HSD17B12: variants seen among roughly 807,000 people sequenced by gnomAD.
The protein encoded by HSD17B12 is very-long-chain 3-oxoacyl-CoA reductase.
In HSD17B12, 32 loss-of-function variants were observed where a neutral mutation model predicts 39.3. That is an observed-to-expected ratio of 0.81 (90% CI 0.61 to 1.09). The LOEUF (loss-of-function observed/expected upper bound fraction) is 1.09, where lower values mean the gene tolerates loss of function less well. HSD17B12 is among the 50% of genes least tolerant of loss of function. HSD17B12 has a pLI of 0.00. For missense variants in HSD17B12, 342 were observed against 382.9 expected (o/e 0.89, Z 0.89); for synonymous variants, 150 against 146.7 (o/e 1.02, Z -0.16).
At chr11:43,741,822 C>G (rs941862599) in intron 1 of HSD17B12, among the ~76,000 whole-genome samples, 5 of 150,102 alleles carry the variant, frequency 3.3e-5, no homozygotes, top group Non-Finnish European at 7.4e-5. Context: ...CAACCTCCCC[C>G]TCTTGGGTTC....
chr11:43,632,110 A>G, the HSD17B12 span, among the ~76,000 whole-genome samples: 2 of 152,200 alleles, frequency 1.3e-5, no homozygotes, highest in Non-Finnish European at 2.9e-5. Context: ...GTTATTCTCT[A>G]TCACGACCCT....
In HSD17B12 at chr11:43,744,619, C is replaced by T. The variant is rs1312157000; in HGVS notation, c.161-6292C>T. 3.9e-5 allele frequency among the ~76,000 whole-genome samples: 6 copies of T among 151,958 alleles called. No homozygotes were observed. The East Asian group carries it at 1.2e-3, about 29-fold the overall frequency. On this transcript the variant is annotated intron_variant, in intron 1 of 10. Transcript: ENST00000278353. ...ACATGATGACTAAATGTGGTATATC[C>T]TGGATATCCTGGATGGGATCCTAGA... is the stretch of plus-strand genomic sequence containing the variant.
chr11:43,592,184 A>G, the HSD17B12 span, among the ~76,000 whole-genome samples: 2 of 152,106 alleles, frequency 1.3e-5, no homozygotes, highest in African/African-American at 4.8e-5. Flanking sequence ...AATATAACAC[A>G]TCAAAACAGG....
At chr11:43,793,982 C>A (rs1189558307) in intron 3 of HSD17B12, among the ~76,000 whole-genome samples, 6 of 152,216 alleles carry the variant, frequency 3.9e-5, no homozygotes, top group Admixed American at 3.9e-4. Context: ...TCATTCTCCA[C>A]TTTTTATGCC....
At position 43,805,104 on chromosome 11, in the gene HSD17B12, G is replaced by A. The variant is rs115724772; in HGVS notation, c.391+6677G>A. 2.7e-3 allele frequency among the ~76,000 whole-genome samples: 416 copies of A among 152,336 alleles called. 3 individuals are homozygous for A. The highest frequency in any genetic ancestry group is 9.6e-3 in the African/African-American group (399 of 41,588). On this transcript the variant is annotated intron_variant, in intron 4 of 10. Coordinates refer to ENST00000278353, the MANE Select transcript of HSD17B12 (RefSeq NM_016142.3). ...AAAATGGAGCATACTAGGAGTTTAT[G>A]CAGCTTCCTGGTCCCTGTTGATTAA...
At chr11:43,817,156 C>T (rs1402659942) in intron 6 of HSD17B12, among the ~76,000 whole-genome samples, 1 of 151,618 alleles carries the variant, frequency 6.6e-6, no homozygotes, top group Non-Finnish European at 1.5e-5. Context: ...TGAGAATTGT[C>T]TATTCATGTC....
chr11:43,646,666 A>G, the HSD17B12 span, among the ~76,000 whole-genome samples: 11 of 152,228 alleles, frequency 7.2e-5, no homozygotes, highest in African/African-American at 2.7e-4. Context: ...TTAAGTTTAG[A>G]GGTAAACTCA....
intron 3 of HSD17B12, among the ~76,000 whole-genome samples, chr11:43,771,860 A>G (rs976515746): frequency 6.6e-6 from 1 of 152,184 alleles, no homozygotes; most frequent in Non-Finnish European, 1.5e-5. Context: ...TCTCAAGATC[A>G]TATTACAAAT....
At chr11:43,836,692 A>G (rs1451889489) in intron 7 of HSD17B12, among the ~76,000 whole-genome samples, 1 of 152,124 alleles carries the variant, frequency 6.6e-6, no homozygotes, top group Non-Finnish European at 1.5e-5. Context: ...TAAATTAAAA[A>G]TCTCCTGTAA....
the HSD17B12 span, among the ~76,000 whole-genome samples, chr11:43,583,464 G>A: frequency 2.6e-5 from 4 of 152,210 alleles, no homozygotes; most frequent in Admixed American, 2.0e-4. Context: ...TTTTGATCGG[G>A]GCTGGGAGCT....
rs1950097261 is a variant in HSD17B12, at chr11:43,714,082, A to G, written c.160+33095A>G. Among the ~76,000 whole-genome samples, 3 of 151,976 alleles carry G rather than the reference A, an allele frequency of 2.0e-5. No homozygotes were observed. The South Asian group carries it at 6.2e-4, about 32-fold the overall frequency. On this transcript the variant is annotated intron_variant, in intron 1 of 10. Transcript: ENST00000278353. The stretch of plus-strand genomic sequence containing the variant: ...CTCCCATTCTGTAGGTTGCCTGTTC[A>G]CTCTGATGGTAGTTTCTTTTGCTGT...
intron 1 of HSD17B12, among the ~76,000 whole-genome samples, chr11:43,717,548 T>G (rs752909574): frequency 5.9e-5 from 9 of 152,104 alleles, no homozygotes; most frequent in Non-Finnish European, 1.2e-4. Context: ...GGAGACAACT[T>G]TTTTCTATTC....
chr11:43,584,572 G>C, the HSD17B12 span: 1 of 152,250 alleles, frequency 6.6e-6, no homozygotes, highest in Non-Finnish European at 1.5e-5. Context: ...GGTCAAACCT[G>C]TCCTGACACC....
intron 3 of HSD17B12, among the ~76,000 whole-genome samples, chr11:43,781,200 C>T (rs1950762248): frequency 6.6e-6 from 1 of 152,158 alleles, no homozygotes; most frequent in Non-Finnish European, 1.5e-5. Context: ...ATCTCCTTCT[C>T]CAATACAATG....
intron 4 of HSD17B12, among the ~76,000 whole-genome samples, chr11:43,807,858 T>C (rs1231896257): frequency 6.6e-6 from 1 of 152,226 alleles, no homozygotes; most frequent in Non-Finnish European, 1.5e-5. Flanking sequence ...TAAGTCATTA[T>C]TGCCGACATG....
intron 1 of HSD17B12, among the ~76,000 whole-genome samples, chr11:43,686,964 G>A (rs1054394756): frequency 2.0e-5 from 3 of 151,582 alleles, no homozygotes; most frequent in Admixed American, 6.6e-5. Flanking sequence ...CTAATTTTTT[G>A]TTGTTGTTGG....
At chr11:43,765,389 T>C (rs1950586472) in intron 3 of HSD17B12, among the ~76,000 whole-genome samples, 1 of 152,142 alleles carries the variant, frequency 6.6e-6, no homozygotes, top group Non-Finnish European at 1.5e-5. Context: ...AAGTCAGCTG[T>C]TATTCTTACC....
chr11:43,821,426 CAG>C (rs939085584), intron 6 of HSD17B12, among the ~76,000 whole-genome samples: 6 of 152,302 alleles, frequency 3.9e-5, no homozygotes, highest in African/African-American at 1.4e-4. Context: ...TCCTACCAGA[CAG>C]AGCTTTCTTC....
At chr11:43,602,944 G>C in the HSD17B12 span, among the ~76,000 whole-genome samples, 1 of 152,016 alleles carries the variant, frequency 6.6e-6, no homozygotes, top group Admixed American at 6.5e-5. Flanking sequence ...CAATCCTGGA[G>C]AGCTTGTTTC....
Sources: allele counts gnomAD v4.1 joint callset (sites outside exome capture counted in the v4.1 genomes callset), GRCh38; gene constraint gnomAD v4.1.1; transcripts MANE v1.5; gene names NCBI Gene and HGNC (gene_info 2026-07-23, HGNC 2026-07-21).